ALK: variants seen among roughly 807,000 people sequenced by gnomAD.
ALK encodes ALK receptor tyrosine kinase, also known as ALK tyrosine kinase receptor.
A neutral mutation model predicts 163.1 loss-of-function variants in ALK; 74 were observed. That is an observed-to-expected ratio of 0.45 (90% CI 0.38 to 0.55). The LOEUF is 0.55. Ranked by LOEUF, ALK falls within the 20% of genes least tolerant of loss-of-function variation. The pLI is 0.00. For missense variants in ALK, 2,063 were observed against 2,105.3 expected, an observed-to-expected ratio of 0.98 and a Z score of 0.39; for synonymous variants, 960 against 843.2, an observed-to-expected ratio of 1.14 and a Z score of -2.40.
At chr2:29,897,979 C>T (rs982242933) in intron 1 of ALK, among the ~76,000 whole-genome samples, 5 of 151,976 alleles carry the variant, frequency 3.3e-5, no homozygotes, top group African/African-American at 1.2e-4. Context: ...TATCCAAAGG[C>T]AAAATTATGA....
rs1484125408 is a variant in ALK at position 29,233,416 on chromosome 2, G to A, written c.2487+149C>T. ...CTGCCTTGGCCTCCCAAAATACTAG[G>A]ATTACAGGAATGAGCCACTGTACCT... On this transcript the variant is annotated intron_variant, in intron 14 of 28. Coordinates refer to ENST00000389048, the MANE Select transcript of ALK (RefSeq NM_004304.5). 5 of 1,182,074 alleles carry A rather than the reference G, an allele frequency of 4.2e-6. No homozygotes were observed. In the Admixed American group the frequency reaches 7.1e-5, roughly 17 times the overall value. 73.2% of individuals were successfully genotyped at this position (1,182,074 alleles called of 1,614,324 possible).
At chr2:29,769,092 C>T (rs770283877) in intron 1 of ALK, among the ~76,000 whole-genome samples, 22 of 152,106 alleles carry the variant, frequency 1.4e-4, no homozygotes, top group Non-Finnish European at 2.5e-4. Flanking sequence ...CCTCGTCCTC[C>T]CAAAGTGCTG....
intron 1 of ALK, among the ~76,000 whole-genome samples, chr2:29,884,959 G>A (rs1399729670): frequency 6.6e-6 from 1 of 152,180 alleles, no homozygotes; most frequent in Non-Finnish European, 1.5e-5. Context: ...GGAAGGGATA[G>A]GCTAACTCTA....
chr2:29,251,543 A>C (rs1664815388), intron 11 of ALK, among the ~76,000 whole-genome samples: 1 of 152,210 alleles, frequency 6.6e-6, no homozygotes, highest in Non-Finnish European at 1.5e-5. Context: ...AGAGACCCAA[A>C]GGGAGGCCAG....
intron 1 of ALK, among the ~76,000 whole-genome samples, chr2:29,757,160 T>TC (rs996605723): frequency 3.9e-5 from 6 of 152,118 alleles, no homozygotes; most frequent in African/African-American, 1.4e-4. Context: ...TAAGGCAGTG[T>TC]CCAGGAATGG....
chr2:29,639,233 C>A (rs751358924), intron 3 of ALK, among the ~76,000 whole-genome samples: 1 of 152,118 alleles, frequency 6.6e-6, no homozygotes, highest in South Asian at 2.1e-4. Flanking sequence ...ACTTCTGGGT[C>A]ACCTGAGGGT....
chr2:29,586,608 G>A (rs1674895465), intron 3 of ALK, among the ~76,000 whole-genome samples: 2 of 152,088 alleles, frequency 1.3e-5, no homozygotes, highest in Admixed American at 1.3e-4. Flanking sequence ...CTGGGATAGT[G>A]GTCCTGTTAT....
At chr2:29,874,960 G>A (rs1666666471) in intron 1 of ALK, among the ~76,000 whole-genome samples, 1 of 152,170 alleles carries the variant, frequency 6.6e-6, no homozygotes, top group Non-Finnish European at 1.5e-5. Flanking sequence ...TCCTGTATTT[G>A]GCAGGTCCTC....
chr2:29,335,926 G>A (rs534376555), intron 5 of ALK, among the ~76,000 whole-genome samples: 1 of 152,196 alleles, frequency 6.6e-6, no homozygotes, highest in African/African-American at 2.4e-5. Context: ...TGTAATCACA[G>A]CTACTTGGGA....
chr2:29,456,669 T>C (rs887602542), intron 4 of ALK, among the ~76,000 whole-genome samples: 3 of 152,184 alleles, frequency 2.0e-5, no homozygotes, highest in Admixed American at 6.5e-5. Context: ...ATATACTTAA[T>C]GTCCCTGAAC....
At chr2:29,305,500 T>TG (rs1371960048) in intron 8 of ALK, among the ~76,000 whole-genome samples, 10 of 152,338 alleles carry the variant, frequency 6.6e-5, no homozygotes, top group Middle Eastern at 3.4e-3. Context: ...TCACTGTATG[T>TG]GGTTCCTAGA....
At chr2:29,830,264 T>C (rs560844459) in intron 1 of ALK, among the ~76,000 whole-genome samples, 1 of 152,366 alleles carries the variant, frequency 6.6e-6, no homozygotes, top group East Asian at 1.9e-4. Context: ...GAATTAATCA[T>C]TGCAGGGGAA....
At chr2:29,863,401 T>C (rs1666345016) in intron 1 of ALK, among the ~76,000 whole-genome samples, 1 of 152,140 alleles carries the variant, frequency 6.6e-6, no homozygotes, top group South Asian at 2.1e-4. Context: ...CCAAAACGTA[T>C]AAAGTACTCA....
In ALK at chr2:29,525,593, C is replaced by T. The variant is rs539687837; in HGVS notation, c.1154+6322G>A. 4.0e-4 allele frequency among the ~76,000 whole-genome samples: 61 copies of T among 152,002 alleles called. 1 individual carries two copies. The East Asian group carries it at 7.0e-3, about 17-fold the overall frequency. Reference sequence around the variant, plus strand: ...GATCACAAGGTCAGGAGTTTGAGACCAGCCTGGCCAAGATGGTAAAACCCT... The same window carrying T: ...GATCACAAGGTCAGGAGTTTGAGACTAGCCTGGCCAAGATGGTAAAACCCT... On this transcript the variant is annotated intron_variant, in intron 4 of 28. Coordinates refer to ENST00000389048, the MANE Select transcript of ALK (RefSeq NM_004304.5).
At chr2:29,740,063 T>C (rs553449253) in intron 1 of ALK, among the ~76,000 whole-genome samples, 5 of 152,274 alleles carry the variant, frequency 3.3e-5, no homozygotes, top group Admixed American at 6.5e-5. Flanking sequence ...GCCTACACCA[T>C]ACATACTCAT....
intron 3 of ALK, among the ~76,000 whole-genome samples, chr2:29,575,051 C>T (rs914939603): frequency 6.6e-6 from 1 of 152,176 alleles, no homozygotes; most frequent in African/African-American, 2.4e-5. Context: ...CTGTGAGAGC[C>T]TCTCTAAATC....
At chr2:29,300,373 AC>A (rs1666333953) in intron 8 of ALK, among the ~76,000 whole-genome samples, 1 of 151,778 alleles carries the variant, frequency 6.6e-6, no homozygotes, top group Non-Finnish European at 1.5e-5. Flanking sequence ...ACATGGTGAA[AC>A]CCCGACTCTA....
intron 4 of ALK, among the ~76,000 whole-genome samples, chr2:29,472,940 C>T (rs1191857344): frequency 1.3e-5 from 2 of 152,188 alleles, no homozygotes; most frequent in Non-Finnish European, 2.9e-5. Context: ...CTCCTCAAAT[C>T]TGTAGATTAA....
At chr2:29,422,217 CAA>C (rs1238621391) in intron 4 of ALK, among the ~76,000 whole-genome samples, 1 of 151,070 alleles carries the variant, frequency 6.6e-6, no homozygotes, top group Non-Finnish European at 1.5e-5. Flanking sequence ...TTAATGATAT[CAA>C]AGTCATTTTT....
Sources: allele counts gnomAD v4.1 joint callset (sites outside exome capture counted in the v4.1 genomes callset), GRCh38; gene constraint gnomAD v4.1.1; transcripts MANE v1.5; gene names NCBI Gene and HGNC (gene_info 2026-07-23, HGNC 2026-07-21).